ZZEF1: variants seen among roughly 807,000 people sequenced by gnomAD.
The protein encoded by ZZEF1 is zinc finger ZZ-type and EF-hand domain containing 1.
In ZZEF1, 157 loss-of-function variants were observed where a neutral mutation model predicts 342.8. The observed-to-expected ratio is 0.46, with a 90% CI of 0.40 to 0.52. ZZEF1 has a LOEUF of 0.52. Ranked by LOEUF, ZZEF1 falls within the 20% of genes least tolerant of loss-of-function variation. The pLI, the probability that ZZEF1 is intolerant of heterozygous loss-of-function variation, is 0.00. For synonymous variants in ZZEF1, 1,505 were observed against 1,429.1 expected (o/e 1.05, Z -1.20); for missense variants, 3,480 against 3,725.6 (o/e 0.93, Z 1.72).
chr17:4,142,362 G>A (rs1003059881), intron 1 of ZZEF1, among the ~76,000 whole-genome samples, 180 bp downstream of exon 1: 3 of 152,360 alleles, frequency 2.0e-5, no homozygotes, highest in East Asian at 1.9e-4. Flanking sequence ...ACGGCCTGAT[G>A]CAGACTTTCC....
intron 6 of ZZEF1, among the ~76,000 whole-genome samples, chr17:4,109,260 T>A (rs564266565): frequency 6.6e-6 from 1 of 152,160 alleles, no homozygotes; most frequent in Non-Finnish European, 1.5e-5. Flanking sequence ...GTAGGTAAAA[T>A]AATAGACTGC....
chr17:4,141,259 A>T (rs945782280), intron 1 of ZZEF1, among the ~76,000 whole-genome samples: 9 of 152,326 alleles, frequency 5.9e-5, no homozygotes, highest in African/African-American at 2.2e-4. Context: ...TTTTTTCATA[A>T]GAAACACACA....
Position 4,016,697 on chromosome 17 carries a change from G to A in ZZEF1, c.8002-231C>T. On this transcript the variant is annotated intron_variant, in intron 48 of 54. Coordinates refer to ENST00000381638, the MANE Select transcript of ZZEF1 (RefSeq NM_015113.4). This position sits in a 1 kb window ranked among gnomAD's most constrained non-coding sequence, Gnocchi z 4.4. Reference sequence around the variant, plus strand: ...TTTCAGAATGATGCTACTTAGAGGTGGTCTGAAAGAACTAACTGAACCAAT... The same window carrying A: ...TTTCAGAATGATGCTACTTAGAGGTAGTCTGAAAGAACTAACTGAACCAAT... 1 of 473,530 alleles carries A rather than the reference G, an allele frequency of 2.1e-6. No homozygotes were observed. The highest frequency in any genetic ancestry group is 1.9e-5 in the African/African-American group (1 of 51,350). 29.3% of individuals were successfully genotyped at this position (473,530 alleles called of 1,614,324 possible).
At chr17:4,032,469 C>T (rs778461696) in intron 41 of ZZEF1, among the ~76,000 whole-genome samples, 1 of 152,162 alleles carries the variant, frequency 6.6e-6, no homozygotes, top group Non-Finnish European at 1.5e-5. Flanking sequence ...GTTTTTACAG[C>T]CCCCTTTGTC....
rs2056051881 is a variant in ZZEF1, at chr17:4,014,581, C to T, written c.8146-66G>A. Reference sequence around the variant, plus strand: ...CACTAGACACTGACTGCAGCTGTCCCATGCCGAGTCCTGTGGCTGGACCCG... The same window carrying T: ...CACTAGACACTGACTGCAGCTGTCCTATGCCGAGTCCTGTGGCTGGACCCG... On this transcript the variant is annotated intron_variant, in intron 49 of 54. Coordinates refer to ENST00000381638, the MANE Select transcript of ZZEF1 (RefSeq NM_015113.4). This position sits in a 1 kb window ranked among gnomAD's most constrained non-coding sequence, Gnocchi z 4.4. The T allele has an allele frequency of 6.4e-7, 1 of 1,557,946 alleles. No homozygotes were observed. Among genetic ancestry groups the T allele is most frequent in the African/African-American group, 1.4e-5 (1 of 73,984 alleles).
At chr17:4,085,586 C>G in intron 16 of ZZEF1, 84 bp downstream of exon 16, 1 of 1,543,602 alleles carries the variant, frequency 6.5e-7, no homozygotes, top group Non-Finnish European at 8.8e-7. Context: ...TTGCAACAGA[C>G]GATATATTCA....
chr17:4,008,910 G>T lies in ZZEF1; in HGVS notation c.8778C>A (p.Asp2926Glu). 6.5e-7 allele frequency: 1 copy of T among 1,546,160 alleles called. No homozygotes were observed. Among genetic ancestry groups the T allele is most frequent in the Non-Finnish European group, 8.7e-7 (1 of 1,148,508 alleles). The change falls in exon 54 of 55, where the codon GAC (aspartate) becomes GAA (glutamate). Residue 2926 changes from aspartate (D) to glutamate (E), a missense_variant. This residue lies in a region of ZZEF1 where 1,269 missense variants were observed against 1,342.4 expected (regional missense o/e 0.95). Transcript: ENST00000381638. This position sits in a 1 kb window ranked among gnomAD's most constrained non-coding sequence, Gnocchi z 4.2. The stretch of plus-strand genomic sequence containing the variant: ...GTGCCGCACAGCGGAGAAGGTGGTC[G>T]TCCGTGGTTAGGGCCAGCAGGTAAT... ...LQDYLLALTT[D>E]DHLLRCAAQA...
At chr17:4,037,525 A>G (rs115978678) in intron 39 of ZZEF1, among the ~76,000 whole-genome samples, 112 of 152,316 alleles carry the variant, frequency 7.4e-4, no homozygotes, top group African/African-American at 2.5e-3. Context: ...ATAACTGTTA[A>G]AGACTAGAGG....
chr17:4,047,739 G>C (rs539560886), intron 37 of ZZEF1, among the ~76,000 whole-genome samples: 2 of 151,584 alleles, frequency 1.3e-5, no homozygotes. Context: ...TCAGAAGATC[G>C]AGACCAACCT....
intron 1 of ZZEF1, among the ~76,000 whole-genome samples, chr17:4,128,096 A>G (rs1191664906): frequency 1.3e-5 from 2 of 152,176 alleles, no homozygotes; most frequent in Non-Finnish European, 2.9e-5. Flanking sequence ...CTGCAATCCC[A>G]GCACTTCGGG....
At chr17:4,109,938 A>C in intron 5 of ZZEF1, 75 bp from the exon 6 acceptor site, 3 of 1,414,618 alleles carry the variant, frequency 2.1e-6, no homozygotes, top group Non-Finnish European at 3.0e-6. Context: ...ACTAAAAGCA[A>C]AATAGTAATA....
intron 1 of ZZEF1, among the ~76,000 whole-genome samples, chr17:4,129,869 G>A (rs2058636255): frequency 6.6e-6 from 1 of 152,200 alleles, no homozygotes; most frequent in African/African-American, 2.4e-5. Context: ...GTGGGAACAT[G>A]GATGGAGCTG....
At position 4,109,734 on chromosome 17, in the gene ZZEF1, T is replaced by C; in HGVS notation, c.1196A>G (p.Tyr399Cys). 6.2e-7 allele frequency: 1 copy of C among 1,614,150 alleles called. No homozygotes were observed. The highest frequency in any genetic ancestry group is 1.1e-5 in the South Asian group (1 of 91,082). ...VSVSDASAIW[Y>C]WSLLTSLVTA... ...CACCAGAGATGTCAGCAGAGACCAA[T>C]ACCATATTGCAGAAGCATCTGAGAC... Residue 399 changes from tyrosine to cysteine, a missense_variant, in exon 6 of 55, where the codon TAT (tyrosine) becomes TGT (cysteine). Physicochemically the swap from Tyr to Cys is radical, Grantham distance 194 (BLOSUM62 -2). Around this residue, in one of 5 missense-constraint regions of ZZEF1, gnomAD observed 1,528 missense variants for 1,624.1 expected, o/e 0.94. Transcript: ENST00000381638.
chr17:4,040,781 G>C (rs1210083941), intron 39 of ZZEF1, among the ~76,000 whole-genome samples: 4 of 152,160 alleles, frequency 2.6e-5, no homozygotes, highest in African/African-American at 9.7e-5. Context: ...GAAGTAAGCT[G>C]GCTGGCCGTA....
chr17:4,039,939 C>T (rs1461731505), intron 39 of ZZEF1, among the ~76,000 whole-genome samples: 2 of 152,084 alleles, frequency 1.3e-5, no homozygotes, highest in Non-Finnish European at 2.9e-5. Context: ...CCACCGTGCC[C>T]AGCCGAGAAC....
At chr17:4,049,653 T>C (rs1352196539) in intron 37 of ZZEF1, 55 bp downstream of exon 37, 1 of 1,606,202 alleles carries the variant, frequency 6.2e-7, no homozygotes, top group Non-Finnish European at 8.5e-7. Flanking sequence ...ACTGAGTGAA[T>C]GGCTCTCTCT....
chr17:4,009,392 C>T (rs1381712097), intron 53 of ZZEF1: 3 of 655,292 alleles, frequency 4.6e-6, no homozygotes, highest in South Asian at 1.9e-5. Context: ...TGGCTCTAGG[C>T]CTGACAAAAT....
At position 4,014,608 on chromosome 17, in the gene ZZEF1, G is replaced by A; in HGVS notation, c.8146-93C>T. 7.3e-7 allele frequency: 1 copy of A among 1,377,494 alleles called. No homozygotes were observed. Among genetic ancestry groups the A allele is most frequent in the South Asian group, 1.3e-5 (1 of 78,916 alleles). 85.3% of individuals were successfully genotyped at this position (1,377,494 alleles called of 1,614,324 possible). A position where few individuals can be genotyped will look rare whatever the true frequency, so the allele number is the denominator to read the frequency against. ...TGCCGAGTCCTGTGGCTGGACCCGG[G>A]TGTGTGAGAATGAGTGAACCACAGC... On this transcript the variant is annotated intron_variant, in intron 49 of 54. Coordinates refer to ENST00000381638, the MANE Select transcript of ZZEF1 (RefSeq NM_015113.4). The surrounding 1 kb of genome is among the most constrained non-coding windows in gnomAD (Gnocchi z 4.4).
intron 39 of ZZEF1, among the ~76,000 whole-genome samples, chr17:4,040,435 T>A (rs911412224): frequency 6.6e-6 from 1 of 152,106 alleles, no homozygotes; most frequent in Non-Finnish European, 1.5e-5. Context: ...ACCAACCAAG[T>A]GATCCAGAGC....
Sources: allele counts gnomAD v4.1 joint callset (sites outside exome capture counted in the v4.1 genomes callset), GRCh38; gene constraint gnomAD v4.1.1; regional missense constraint gnomAD v4.1.1; non-coding constraint Gnocchi (gnomAD v3.1); transcripts MANE v1.5; gene names NCBI Gene and HGNC (gene_info 2026-07-23, HGNC 2026-07-21).